The following EPS8L1 variants were observed in gnomAD, a reference collection of about 807,000 sequenced individuals.
The protein encoded by EPS8L1 is EPS8 signaling adaptor L1.
In EPS8L1, 101 loss-of-function variants were observed where a neutral mutation model predicts 91.7. The observed-to-expected ratio is 1.10, with a 90% CI of 0.94 to 1.30. The LOEUF is 1.30. Among genes scored for constraint, EPS8L1 ranks in the 50% most tolerant of loss-of-function variants. The pLI is 0.00. For missense variants in EPS8L1, 1,114 were observed against 1,017.0 expected, an observed-to-expected ratio of 1.10 and a Z score of -1.30; for synonymous variants, 506 against 445.3, an observed-to-expected ratio of 1.14 and a Z score of -1.72.
rs140279705 is a variant in EPS8L1, at chr19:55,082,503, C to G, written c.1115C>G (p.Pro372Arg). Residue 372 changes from proline (P) to arginine (R), a missense_variant, in exon 12 of 20, where the codon CCG becomes CGG. Transcript: ENST00000201647. ...GAGTTCGCGAGCAGTGTGCGGCGGC[C>G]GCATCTGACATCGGATGCCGTGGCG... Reference protein sequence around the residue: ...GPEFASSVRRPHLTSDAVALL... With the variant: ...GPEFASSVRRRHLTSDAVALL... 115 of 1,612,526 alleles carry G rather than the reference C, an allele frequency of 7.1e-5. No individual in the cohort carries two copies. The highest frequency in any genetic ancestry group is 8.9e-5 in the Non-Finnish European group (105 of 1,179,812).
chr19:55,085,606 A>AG (rs2147162888), intron 14 of EPS8L1: 1 of 418,260 alleles, frequency 2.4e-6, no homozygotes, highest in East Asian at 3.8e-5. Flanking sequence ...CCTCTGTAAA[A>AG]TGGAATCGAT....
In EPS8L1 at chr19:55,080,066, C is replaced by T. The variant is rs1437028351; in HGVS notation, c.280-63C>T. 2.7e-6 allele frequency: 4 copies of T among 1,458,110 alleles called. No individual in the cohort carries two copies. In the Admixed American group the frequency reaches 1.0e-4, roughly 38 times the overall value. The allele number at this position is 1,458,110 out of a possible 1,614,324, so 90.3% of individuals were successfully genotyped here. A position where few individuals can be genotyped will look rare whatever the true frequency, so the allele number is the denominator to read the frequency against. Reference sequence around the variant, plus strand: ...GCCCTGACCTGCTGGCCCACACTCCCGTCGCCATTTAGTAGTACCATCATT... The same window carrying T: ...GCCCTGACCTGCTGGCCCACACTCCTGTCGCCATTTAGTAGTACCATCATT... On this transcript the variant is annotated intron_variant, in intron 5 of 19. Transcript: ENST00000201647.
chr19:55,086,245 C>T lies in EPS8L1; in HGVS notation c.1650+53C>T, dbSNP rs565172422. On this transcript the variant is annotated intron_variant, in intron 16 of 19. Coordinates refer to ENST00000201647, the MANE Select transcript of EPS8L1 (RefSeq NM_133180.3). The stretch of plus-strand genomic sequence containing the variant: ...GAGGGTGGAGAGGCTGGGACCAGAT[C>T]CTGGGAACAAGGGGCGTGGGGATCA... 3 of 1,601,440 alleles carry T rather than the reference C, an allele frequency of 1.9e-6. No homozygotes were observed. The East Asian group carries it at 6.7e-5, about 36-fold the overall frequency.
In EPS8L1 at chr19:55,083,192, G is replaced by A. The variant is rs1216307358; in HGVS notation, c.1215-186G>A. ...ATTACAGGCGTGAGCCACCGTGCCC[G>A]GTCTAGAAATATAAATTGCTGTTGA... is the stretch of plus-strand genomic sequence containing the variant. On this transcript the variant is annotated intron_variant, in intron 12 of 19. Transcript: ENST00000201647. This position sits in a 1 kb window ranked among gnomAD's most constrained non-coding sequence, Gnocchi z 4.7. Among the ~76,000 whole-genome samples, 1 of 152,194 alleles carries A rather than the reference G, an allele frequency of 6.6e-6. No individual in the cohort carries two copies. Among genetic ancestry groups the A allele is most frequent in the African/African-American group, 2.4e-5 (1 of 41,446 alleles).
chr19:55,080,495 T>C, intron 6 of EPS8L1: 1 of 1,613,590 alleles, frequency 6.2e-7, no homozygotes, highest in Non-Finnish European at 8.5e-7. Context: ...GATGAGGACA[T>C]GAACAGAACA....
rs1239179805 is a variant in EPS8L1 at position 55,082,297 on chromosome 19, C to T, written c.1013C>T (p.Ala338Val). 6.2e-7 allele frequency: 1 copy of T among 1,612,334 alleles called. No individual in the cohort carries two copies. Among genetic ancestry groups the T allele is most frequent in the Non-Finnish European group, 8.5e-7 (1 of 1,179,684 alleles). Reference protein sequence around the residue: ...SLLARLRGNIADPSSPELLHF... With the variant: ...SLLARLRGNIVDPSSPELLHF... ...CAGGCCCGGCTGCGCGGCAACATCG[C>T]CGACCCCTCCTCTCCGGAGCTGTTG... is the stretch of plus-strand genomic sequence containing the variant. Residue 338 changes from alanine to valine, a missense_variant, in exon 11 of 20, where the codon GCC becomes GTC. Coordinates refer to ENST00000201647, the MANE Select transcript of EPS8L1 (RefSeq NM_133180.3).
At chr19:55,087,100 G>A (rs1177177248) in intron 18 of EPS8L1, 8 of 1,075,508 alleles carry the variant, frequency 7.4e-6, no homozygotes, top group South Asian at 1.7e-5. Context: ...GGGAAATCCC[G>A]TACCCTTTGA....
chr19:55,079,575 G>A, intron 4 of EPS8L1, 115 bp from the exon 5 acceptor site: 1 of 1,272,424 alleles, frequency 7.9e-7, no homozygotes, highest in Non-Finnish European at 1.1e-6. Context: ...GATCAAGGAA[G>A]GCTTCCTGGA....
chr19:55,077,642 G>A (rs1214608181), intron 2 of EPS8L1, among the ~76,000 whole-genome samples: 1 of 134,632 alleles, frequency 7.4e-6, no homozygotes, highest in Admixed American at 8.5e-5. Context: ...AGGCTGGAGT[G>A]CAGTGGCACG....
rs1383143570 is a variant in EPS8L1 at position 55,083,399 on chromosome 19, G to A, written c.1236G>A (p.Glu412=). ...GCAGGCTGGAGCTGTCCCCGGAGGA[G>A]GGACCCCCATACAGACCCGAGTTCT... The part of the protein sequence containing the change: ...TRPGLELSPE[E]GPPYRPEFFS... Residue 412 remains glutamate, a synonymous_variant, in exon 13 of 20, where the codon GAG becomes GAA. Coordinates refer to ENST00000201647, the MANE Select transcript of EPS8L1 (RefSeq NM_133180.3). This position sits in a 1 kb window ranked among gnomAD's most constrained non-coding sequence, Gnocchi z 4.7. 6.2e-7 allele frequency: 1 copy of A among 1,613,116 alleles called. No homozygotes were observed. The highest frequency in any genetic ancestry group is 8.5e-7 in the Non-Finnish European group (1 of 1,179,950).
chr19:55,077,802 T>C (rs2076160138), intron 2 of EPS8L1, among the ~76,000 whole-genome samples: 1 of 151,362 alleles, frequency 6.6e-6, no homozygotes, highest in South Asian at 2.1e-4. Context: ...TTGGCCAAGA[T>C]GGTCTCAATC....
chr19:55,086,437 C>T lies in EPS8L1; in HGVS notation c.1696C>T (p.Pro566Ser). The T allele has an allele frequency of 6.4e-7, 1 of 1,555,590 alleles. No homozygotes were observed. Among genetic ancestry groups the T allele is most frequent in the Non-Finnish European group, 8.7e-7 (1 of 1,148,778 alleles). Residue 566 changes from proline to serine, a missense_variant, in exon 17 of 20, where the codon CCA becomes TCA. Pro to Ser is a moderately conservative substitution (Grantham distance 74). Coordinates refer to ENST00000201647, the MANE Select transcript of EPS8L1 (RefSeq NM_133180.3). ...PPPAPAPAPP[P>S]ALARPRWDRP... The stretch of plus-strand genomic sequence containing the variant: ...ACCAGCCCCAGCCCCGGCCCCACCT[C>T]CAGCTCTGGCTCGGCCCCGCTGGGA...
In EPS8L1 at chr19:55,078,112, C is replaced by T. The variant is rs1241503261; in HGVS notation, c.42C>T (p.Ser14=). ...ATGPEAAPKP[S]AKSIYEQRKR... ...GCCCAGAAGCTGCCCCAAAGCCAAG[C>T]GCCAAGTCTATCTATGGTGAGCGGG... The change falls in exon 3 of 20, where the codon AGC becomes AGT. Residue 14 remains serine (S), a synonymous_variant. Coordinates refer to ENST00000201647, the MANE Select transcript of EPS8L1 (RefSeq NM_133180.3). 1.1e-5 allele frequency: 17 copies of T among 1,613,610 alleles called. No individual in the cohort carries two copies. Among genetic ancestry groups the T allele is most frequent in the East Asian group, 2.2e-5 (1 of 44,862 alleles).
At position 55,082,561 on chromosome 19, in the gene EPS8L1, C is replaced by T; in HGVS notation, c.1173C>T (p.Asn391=). The T allele has an allele frequency of 6.3e-7, 1 of 1,595,654 alleles. No homozygotes were observed. The highest frequency in any genetic ancestry group is 8.5e-7 in the Non-Finnish European group (1 of 1,171,720). ...GGGACAACGTCACTCCACGTGAAAACGAGCTCTGGACCTCGCTGGGGGACT... is the reference window on the plus strand; with the variant it reads ...GGGACAACGTCACTCCACGTGAAAATGAGCTCTGGACCTCGCTGGGGGACT... ...LLRDNVTPRE[N]ELWTSLGDSW... is the part of the protein sequence containing the mutation. Residue 391 remains asparagine, a synonymous_variant, in exon 12 of 20, where the codon AAC becomes AAT. Coordinates refer to ENST00000201647, the MANE Select transcript of EPS8L1 (RefSeq NM_133180.3).
intron 4 of EPS8L1, among the ~76,000 whole-genome samples, 178 bp downstream of exon 4, chr19:55,079,235 T>C (rs2076201857): frequency 6.6e-6 from 1 of 152,068 alleles, no homozygotes; most frequent in Non-Finnish European, 1.5e-5. Flanking sequence ...GCCAGGGGCC[T>C]CGGGTCCACT....
chr19:55,080,118 C>T lies in EPS8L1; in HGVS notation c.280-11C>T. On this transcript the variant is annotated splice_polypyrimidine_tract_variant and intron_variant, in intron 5 of 19. Coordinates refer to ENST00000201647, the MANE Select transcript of EPS8L1 (RefSeq NM_133180.3). ...CGGGGCCTCAGTTTACCCCGCCATC[C>T]CACCCGGCAGGAGGAGCTGGAGTCG... 6.8e-7 allele frequency: 1 copy of T among 1,479,356 alleles called. No individual in the cohort carries two copies. Among genetic ancestry groups the T allele is most frequent in the Non-Finnish European group, 9.0e-7 (1 of 1,110,176 alleles). The allele number at this position is 1,479,356 out of a possible 1,614,324, so 91.6% of individuals were successfully genotyped here.
Position 55,081,324 on chromosome 19 carries a change from C to T in EPS8L1, c.606C>T (p.Thr202=), listed in dbSNP as rs890454452. The T allele has an allele frequency of 1.3e-6, 2 of 1,556,736 alleles. No homozygotes were observed. The highest frequency in any genetic ancestry group is 1.9e-5 in the Admixed American group (1 of 52,160). Reference sequence around the variant, plus strand: ...CGTCAGTCCGCGCAGTGATCAGCACCGTAGAGCGGGGCGCGGGCCGCGGAC... The same window carrying T: ...CGTCAGTCCGCGCAGTGATCAGCACTGTAGAGCGGGGCGCGGGCCGCGGAC... ...RRPSVRAVIS[T]VERGAGRGRP... is the part of the protein sequence containing the mutation. Residue 202 remains threonine, a synonymous_variant, in exon 8 of 20, where the codon ACC becomes ACT. Coordinates refer to ENST00000201647, the MANE Select transcript of EPS8L1 (RefSeq NM_133180.3). The surrounding 1 kb of genome is among the most constrained non-coding windows in gnomAD (Gnocchi z 4.9).
rs770249866 is a variant in EPS8L1 at position 55,081,944 on chromosome 19, T to G, written c.901+45T>G. 13 of 1,589,866 alleles carry G rather than the reference T, an allele frequency of 8.2e-6. No homozygotes were observed. The African/African-American group carries it at 1.6e-4, about 20-fold the overall frequency. ...GGGATCTGAACCCCCTCCCGATCTC[T>G]TCCAAATGTCCCCGCTCTCCCCAGG... is the stretch of plus-strand genomic sequence containing the variant. On this transcript the variant is annotated intron_variant, in intron 9 of 19. Transcript: ENST00000201647. This position sits in a 1 kb window ranked among gnomAD's most constrained non-coding sequence, Gnocchi z 4.9.
intron 2 of EPS8L1, among the ~76,000 whole-genome samples, chr19:55,077,299 A>T (rs181413374): frequency 6.6e-6 from 1 of 152,270 alleles, no homozygotes. Flanking sequence ...ATTCCCATTT[A>T]TTGAGCAACT....
Sources: allele counts gnomAD v4.1 joint callset (sites outside exome capture counted in the v4.1 genomes callset), GRCh38; gene constraint gnomAD v4.1.1; non-coding constraint Gnocchi (gnomAD v3.1); transcripts MANE v1.5; gene names NCBI Gene and HGNC (gene_info 2026-07-23, HGNC 2026-07-21).